Variants in ERN1 observed in about 807,000 individuals in gnomAD.
ERN1 encodes the protein serine/threonine-protein kinase/endoribonuclease IRE1.
In ERN1, 39 loss-of-function variants were observed where a neutral mutation model predicts 113.1. The observed-to-expected ratio is 0.34, with a 90% confidence interval of 0.27 to 0.45. ERN1 has a LOEUF of 0.45. Ranked by LOEUF, ERN1 falls within the 20% of genes least tolerant of loss-of-function variation. The probability of loss-of-function intolerance (pLI) is 1.00; values close to 1 mark genes in which losing one functional copy is unlikely to be tolerated. For missense variants in ERN1, 976 were observed against 1,274.8 expected, an observed-to-expected ratio of 0.77 and a Z score of 3.57; for synonymous variants, 507 against 515.9, an observed-to-expected ratio of 0.98 and a Z score of 0.23.
intron 7 of ERN1, chr17:64,067,975 T>A: frequency 2.0e-6 from 1 of 508,592 alleles, no homozygotes; most frequent in Non-Finnish European, 3.5e-6. Flanking sequence ...GCTAAGCTTG[T>A]CACCATTTTA....
chr17:64,070,892 C>T (rs1913392562), intron 6 of ERN1, among the ~76,000 whole-genome samples: 1 of 152,152 alleles, frequency 6.6e-6, no homozygotes, highest in African/African-American at 2.4e-5. Context: ...AATAATGGGA[C>T]CCACCCATTC....
At chr17:64,106,543 T>C (rs1290742304) in intron 1 of ERN1, among the ~76,000 whole-genome samples, 3 of 152,190 alleles carry the variant, frequency 2.0e-5, no homozygotes, top group Non-Finnish European at 4.4e-5. Context: ...TGAGGGGTGC[T>C]GTCTAGATGG....
chr17:64,114,681 G>A (rs1914759378), intron 1 of ERN1, among the ~76,000 whole-genome samples: 1 of 151,776 alleles, frequency 6.6e-6, no homozygotes, highest in Non-Finnish European at 1.5e-5. Context: ...GAACAGGAAG[G>A]TTGCTGTTCA....
At chr17:64,045,160 T>C (rs1912471729) in intron 20 of ERN1, among the ~76,000 whole-genome samples, 199 bp downstream of exon 20, 1 of 151,662 alleles carries the variant, frequency 6.6e-6, no homozygotes, top group South Asian at 2.1e-4. Context: ...ACACCATCAC[T>C]CACCTGTCAC....
rs376529363 is a variant in ERN1 at position 64,048,002 on chromosome 17, T to C, written c.2402-17A>G. 6.3e-7 allele frequency: 1 copy of C among 1,599,042 alleles called. No homozygotes were observed. Among genetic ancestry groups the C allele is most frequent in the East Asian group, 2.2e-5 (1 of 44,746 alleles). ...TGACGTCTTCTATAAAGGAGGAAAA[T>C]AAGCAACTCATGACTACCAGTCCAA... is the stretch of plus-strand genomic sequence containing the variant. On this transcript the variant is annotated splice_polypyrimidine_tract_variant and intron_variant, in intron 18 of 21. Transcript: ENST00000433197.
At chr17:64,058,418 G>A (rs1028614940) in intron 11 of ERN1, among the ~76,000 whole-genome samples, 1 of 152,094 alleles carries the variant, frequency 6.6e-6, no homozygotes, top group Non-Finnish European at 1.5e-5. Flanking sequence ...AAGGAAATCC[G>A]CACGTATACA....
chr17:64,060,685 C>A (rs990912665), intron 10 of ERN1, 98 bp from the exon 11 acceptor site: 3 of 798,660 alleles, frequency 3.8e-6, no homozygotes, highest in African/African-American at 1.7e-5. Context: ...ACTGAGGGGT[C>A]CACAATGCAA....
At position 64,073,862 on chromosome 17, in the gene ERN1, T is replaced by C. The variant is rs935586876; in HGVS notation, c.355+1313A>G. On this transcript the variant is annotated intron_variant, in intron 5 of 21. Transcript: ENST00000433197. Reference sequence around the variant, plus strand: ...TCTCACTATGTTGACCAGGCTAGTTTCAAACTCCTGGCCTCAAGCAAACCT... The same window carrying C: ...TCTCACTATGTTGACCAGGCTAGTTCCAAACTCCTGGCCTCAAGCAAACCT... Among the ~76,000 whole-genome samples, 11 of 152,316 alleles carry C rather than the reference T, an allele frequency of 7.2e-5. No homozygotes were observed. In the South Asian group the frequency reaches 2.1e-3, roughly 29 times the overall value.
intron 7 of ERN1, 69 bp from the exon 8 acceptor site, chr17:64,067,001 T>C (rs1280994591): frequency 3.2e-6 from 5 of 1,541,086 alleles, no homozygotes; most frequent in Non-Finnish European, 3.6e-6. Context: ...TCTACTCTTG[T>C]GGCAGGCTCT....
chr17:64,077,805 G>C (rs1291214034), intron 4 of ERN1, among the ~76,000 whole-genome samples: 1 of 151,690 alleles, frequency 6.6e-6, no homozygotes, highest in African/African-American at 2.4e-5. Context: ...GAGTGTAGTG[G>C]CGTGATCTCA....
At chr17:64,094,576 C>T (rs1176785736) in intron 2 of ERN1, among the ~76,000 whole-genome samples, 1 of 151,820 alleles carries the variant, frequency 6.6e-6, no homozygotes, top group Non-Finnish European at 1.5e-5. Context: ...CCTCCCGCCA[C>T]ATCAACTCTG....
At chr17:64,091,767 C>CG (rs908402741) in intron 2 of ERN1, among the ~76,000 whole-genome samples, 16 of 150,048 alleles carry the variant, frequency 1.1e-4, no homozygotes, top group Middle Eastern at 3.4e-3. Context: ...GGAGTTGGGG[C>CG]GGGGGGGCGG....
At position 64,130,041 on chromosome 17, in the gene ERN1, G is replaced by T; in HGVS notation, c.-12C>A. ...CGCCGGGCCGGCATGGCGAGGACTC[G>T]GCCCTGGCTCCGGGGGCGGTACGGA... On this transcript the variant is annotated 5_prime_UTR_variant, in exon 1 of 22. Coordinates refer to ENST00000433197, the MANE Select transcript of ERN1 (RefSeq NM_001433.5). The surrounding 1 kb of genome is among the most constrained non-coding windows in gnomAD (Gnocchi z 4.0). 4 of 1,407,152 alleles carry T rather than the reference G, an allele frequency of 2.8e-6. No individual in the cohort carries two copies. The highest frequency in any genetic ancestry group is 3.7e-6 in the Non-Finnish European group (4 of 1,088,658). 87.2% of individuals were successfully genotyped at this position (1,407,152 alleles called of 1,614,324 possible).
intron 2 of ERN1, among the ~76,000 whole-genome samples, chr17:64,090,608 T>C (rs575583150): frequency 2.0e-5 from 3 of 152,208 alleles, no homozygotes; most frequent in Non-Finnish European, 2.9e-5. Context: ...ACTTTATCCA[T>C]GTACTTCAAC....
At chr17:64,098,605 T>C (rs1349711938) in intron 1 of ERN1, 1 of 534,838 alleles carries the variant, frequency 1.9e-6, no homozygotes, top group East Asian at 5.2e-5. Context: ...TAAGACGTTA[T>C]GATAAAAAAG....
chr17:64,093,504 AT>A (rs1244521662), intron 2 of ERN1, among the ~76,000 whole-genome samples: 1 of 152,170 alleles, frequency 6.6e-6, no homozygotes, highest in Non-Finnish European at 1.5e-5. Flanking sequence ...AACAACAGAA[AT>A]TTATTTCTTA....
chr17:64,070,176 T>C (rs1204966865), intron 6 of ERN1, among the ~76,000 whole-genome samples: 1 of 152,122 alleles, frequency 6.6e-6, no homozygotes, highest in Non-Finnish European at 1.5e-5. Flanking sequence ...AGGCTATCTG[T>C]ATGGAGAAAG....
At chr17:64,108,874 G>A (rs1183931089) in intron 1 of ERN1, among the ~76,000 whole-genome samples, 1 of 152,186 alleles carries the variant, frequency 6.6e-6, no homozygotes, top group Non-Finnish European at 1.5e-5. Context: ...TGTAATCCCA[G>A]CACTTTGGGA....
chr17:64,110,971 C>A (rs1184562263), intron 1 of ERN1, among the ~76,000 whole-genome samples: 1 of 152,082 alleles, frequency 6.6e-6, no homozygotes, highest in Non-Finnish European at 1.5e-5. Flanking sequence ...TCCAGCTTAT[C>A]AAGTGGTCGG....
Sources: gnomAD v4.1 joint callset for allele counts (sites outside exome capture counted in the v4.1 genomes callset) on GRCh38, gnomAD v4.1.1 for gene constraint, Gnocchi (gnomAD v3.1) non-coding constraint, MANE v1.5 for transcripts, NCBI Gene and HGNC (gene_info 2026-07-23, HGNC 2026-07-21) for gene names.